The following KHNYN variants were observed in gnomAD, a reference collection of about 807,000 sequenced individuals.
KHNYN encodes protein KHNYN.
KHNYN carries 42 observed loss-of-function variants against 62.7 expected under a neutral mutation model. The ratio of observed to expected loss-of-function variants is 0.67; its 90% confidence interval spans 0.52 to 0.87. KHNYN has a LOEUF of 0.87. KHNYN is among the 40% of genes least tolerant of loss of function. The pLI, the probability that KHNYN is intolerant of heterozygous loss-of-function variation, is 0.00. For synonymous variants in KHNYN, 347 were observed against 345.6 expected, an observed-to-expected ratio of 1.00 and a Z score of -0.04; for missense variants, 829 against 874.1, an observed-to-expected ratio of 0.95 and a Z score of 0.65.
intron 2 of KHNYN, 130 bp downstream of exon 2, chr14:24,431,061 C>G (rs2043102602): frequency 1.2e-6 from 1 of 816,148 alleles, no homozygotes; most frequent in South Asian, 1.8e-5. Flanking sequence ...GGTTGTCTCA[C>G]TGGCAACCTC....
In KHNYN at chr14:24,440,507, A is replaced by G. The variant is rs1484323687; in HGVS notation, c.*3222A>G. 1.2e-5 allele frequency: 19 copies of G among 1,593,186 alleles called. No individual in the cohort carries two copies. Among genetic ancestry groups the G allele is most frequent in the Non-Finnish European group, 1.6e-5 (19 of 1,169,878 alleles). ...CAGCACAACCCCTAGAGCAGGAAAG[A>G]GGGAAGGTACAGGGGTCCTCTCAGC... On this transcript the variant is annotated 3_prime_UTR_variant, in exon 8 of 8. Coordinates refer to ENST00000553935, the MANE Select transcript of KHNYN (RefSeq NM_015299.3).
At position 24,432,154 on chromosome 14, in the gene KHNYN, A is replaced by G; in HGVS notation, c.893A>G (p.Glu298Gly). Residue 298 changes from glutamate to glycine, a missense_variant, in exon 3 of 8, where the codon GAG becomes GGG. Around this residue, in one of 2 missense-constraint regions of KHNYN, gnomAD observed 559 missense variants for 527.0 expected, o/e 1.06. Transcript: ENST00000553935. This position sits in a 1 kb window ranked among gnomAD's most constrained non-coding sequence, Gnocchi z 5.6. ...RPQSVGGGAR[E>G]SAPLKGKALG... ...CAGTCAGTGGGTGGAGGGGCAAGGG[A>G]GTCAGCACCCCTGAAAGGGAAGGCC... The G allele has an allele frequency of 6.4e-7, 1 of 1,558,216 alleles. No individual in the cohort carries two copies. The highest frequency in any genetic ancestry group is 8.7e-7 in the Non-Finnish European group (1 of 1,150,620).
Position 24,441,548 on chromosome 14 carries a change from G to T in KHNYN, c.*4263G>T. 2.7e-6 allele frequency: 2 copies of T among 752,966 alleles called. No individual in the cohort carries two copies. The highest frequency in any genetic ancestry group is 2.1e-6 in the Non-Finnish European group (1 of 484,444). 46.6% of individuals were successfully genotyped at this position (752,966 alleles called of 1,614,324 possible). On this transcript the variant is annotated 3_prime_UTR_variant, in exon 8 of 8. Transcript: ENST00000553935. ...ACAAAGGTTAGGAGAAACATGCATG[G>T]ATCAAGGGCCTAGGAAGTCATTTTG...
chr14:24,436,039 A>C (rs1443186125), intron 5 of KHNYN, 33 bp from the exon 6 acceptor site: 1 of 1,562,162 alleles, frequency 6.4e-7, no homozygotes, highest in African/African-American at 1.4e-5. Flanking sequence ...TAATTTTTCA[A>C]CCCTCTCTCG....
At chr14:24,429,812 G>A (rs2139374464), upstream of KHNYN, 1 of 1,068,872 alleles carries the variant, frequency 9.4e-7, no homozygotes, top group Middle Eastern at 4.6e-4. Flanking sequence ...AAGCGCAAGG[G>A]GCGAGCCCTG....
upstream of KHNYN, among the ~76,000 whole-genome samples, chr14:24,424,631 C>T (rs372789832): frequency 6.6e-6 from 1 of 152,194 alleles, no homozygotes. Context: ...ACTTTCTACA[C>T]TGAAGTCAGA....
At position 24,441,613 on chromosome 14, in the gene KHNYN, G is replaced by A. The variant is rs921291413; in HGVS notation, c.*4328G>A. ...GTGCTCTGGTGTGTGCATAGCTACA[G>A]AGGTCTGAGTTACCCCGTTCCCCTG... is the stretch of plus-strand genomic sequence containing the variant. On this transcript the variant is annotated 3_prime_UTR_variant, in exon 8 of 8. Transcript: ENST00000553935. The A allele has an allele frequency of 4.9e-6, 7 of 1,418,182 alleles. No individual in the cohort carries two copies. In the African/African-American group the frequency reaches 9.9e-5, roughly 20 times the overall value. 87.8% of individuals were successfully genotyped at this position (1,418,182 alleles called of 1,614,324 possible).
upstream of KHNYN, among the ~76,000 whole-genome samples, chr14:24,425,516 A>G (rs1014911810): frequency 6.6e-6 from 1 of 152,230 alleles, no homozygotes. Flanking sequence ...TGGCAAGCTA[A>G]GGATGGTAGA....
chr14:24,431,875 C>T lies in KHNYN; in HGVS notation c.614C>T (p.Ala205Val), dbSNP rs979523567. The T allele has an allele frequency of 6.2e-7, 1 of 1,614,062 alleles. No individual in the cohort carries two copies. Among genetic ancestry groups the T allele is most frequent in the Admixed American group, 1.7e-5 (1 of 60,036 alleles). ...GCGTCTAGTGGGCAGGGGCCAGGAG[C>T]ACTGGCTTCTTGGGAGGGGCGGAGC... Reference protein sequence around the residue: ...QEASSGQGPGALASWEGRSSA... With the variant: ...QEASSGQGPGVLASWEGRSSA... Residue 205 changes from alanine (A) to valine (V), a missense_variant, in exon 3 of 8, where the codon GCA (alanine) becomes GTA (valine). This residue lies in a region of KHNYN where 559 missense variants were observed against 527.0 expected (regional missense o/e 1.06). Transcript: ENST00000553935.
upstream of KHNYN, chr14:24,429,722 T>C: frequency 3.0e-6 from 3 of 985,400 alleles, no homozygotes; most frequent in Non-Finnish European, 3.6e-6. Context: ...TTTCAACGCA[T>C]GGTTCCCCTT....
rs902349240 is a variant in KHNYN, at chr14:24,435,980, G to C, written c.1578-92G>C. 9.6e-6 allele frequency: 9 copies of C among 940,984 alleles called. No homozygotes were observed. In the African/African-American group the frequency reaches 9.7e-5, roughly 10 times the overall value. 58.3% of individuals were successfully genotyped at this position (940,984 alleles called of 1,614,324 possible). ...ATATATTGCATAGTGGTGAAGTCTA[G>C]GCTTTTAATGTAACCATGATCCAAA... On this transcript the variant is annotated intron_variant, in intron 5 of 7. Transcript: ENST00000553935.
In KHNYN at chr14:24,432,767, T is replaced by C. The variant is rs755576695; in HGVS notation, c.1395T>C (p.Ala465=). Reference sequence around the variant, plus strand: ...TCTCCAGCCGGGGCATTGCCATTGCTGTGCAGTACTTCTGGGACCGTGGTC... The same window carrying C: ...TCTCCAGCCGGGGCATTGCCATTGCCGTGCAGTACTTCTGGGACCGTGGTC... ...HYFSSRGIAI[A]VQYFWDRGHR... is the part of the protein sequence containing the mutation. The change falls in exon 4 of 8, where the codon GCT becomes GCC. Residue 465 remains alanine (A), a synonymous_variant. Transcript: ENST00000553935. The surrounding 1 kb of genome is among the most constrained non-coding windows in gnomAD (Gnocchi z 5.6). 8 of 1,614,096 alleles carry C rather than the reference T, an allele frequency of 5.0e-6. No homozygotes were observed. The highest frequency in any genetic ancestry group is 1.6e-4 in the Middle Eastern group (1 of 6,084).
chr14:24,427,803 TGAG>T, upstream of KHNYN: 1 of 1,613,978 alleles, frequency 6.2e-7, no homozygotes, highest in Non-Finnish European at 8.5e-7. This position sits in a 1 kb window ranked among gnomAD's most constrained non-coding sequence, Gnocchi z 4.4. Context: ...AGAGGGAAGA[TGAG>T]GAAGCCAGAG....
intron 2 of KHNYN, 142 bp downstream of exon 2, chr14:24,431,073 G>C (rs1375537818): frequency 2.7e-6 from 2 of 730,140 alleles, no homozygotes; most frequent in Non-Finnish European, 2.2e-6. Context: ...GGCAACCTCA[G>C]TGCCCCTGAG....
chr14:24,440,519 G>C lies in KHNYN; in HGVS notation c.*3234G>C. On this transcript the variant is annotated 3_prime_UTR_variant, in exon 8 of 8. Coordinates refer to ENST00000553935, the MANE Select transcript of KHNYN (RefSeq NM_015299.3). ...TAGAGCAGGAAAGAGGGAAGGTACA[G>C]GGGTCCTCTCAGCCTTGAAGGAGCC... 1 of 1,583,474 alleles carries C rather than the reference G, an allele frequency of 6.3e-7. No individual in the cohort carries two copies. Among genetic ancestry groups the C allele is most frequent in the Non-Finnish European group, 8.6e-7 (1 of 1,164,992 alleles).
rs1366640555 is a variant in KHNYN, at chr14:24,441,747, G to T, written c.*4462G>T. ...TGATGGCTTTAGCCAGCAATTGGGT[G>T]GTCTCTAGGCGGCTGCCGATTACCT... is the stretch of plus-strand genomic sequence containing the variant. On this transcript the variant is annotated 3_prime_UTR_variant, in exon 8 of 8. Transcript: ENST00000553935. 16 of 1,601,788 alleles carry T rather than the reference G, an allele frequency of 1.0e-5. No homozygotes were observed. The highest frequency in any genetic ancestry group is 1.4e-5 in the Non-Finnish European group (16 of 1,176,386).
upstream of KHNYN, among the ~76,000 whole-genome samples, chr14:24,426,338 C>T (rs978671470): frequency 6.6e-6 from 1 of 152,072 alleles, no homozygotes; most frequent in African/African-American, 2.4e-5. Flanking sequence ...CAGCTATTCT[C>T]CAAGGAACCT....
In KHNYN at chr14:24,430,074, T is replaced by G; in HGVS notation, c.-63T>G. On this transcript the variant is annotated 5_prime_UTR_variant, in exon 1 of 8. Transcript: ENST00000553935. ...TGGGGGCGCGGGCAAAGCGGGGGCC[T>G]GGCGGGCGCTGAGAGGACCTGAAGC... is the stretch of plus-strand genomic sequence containing the variant. The G allele has an allele frequency of 2.0e-6, 2 of 985,120 alleles. No individual in the cohort carries two copies. Among genetic ancestry groups the G allele is most frequent in the Non-Finnish European group, 2.4e-6 (2 of 829,860 alleles). 61.0% of individuals were successfully genotyped at this position (985,120 alleles called of 1,614,324 possible).
chr14:24,436,494 T>A lies in KHNYN; in HGVS notation c.1787+5T>A, dbSNP rs1329854537. 6.2e-7 allele frequency: 1 copy of A among 1,608,566 alleles called. No homozygotes were observed. ...ATTTCTGAAGAAGCCAGCCAGGTAA[T>A]CAATCCCCTAGACTACTTACAGGCA... On this transcript the variant is annotated splice_donor_5th_base_variant and intron_variant, in intron 7 of 7. Transcript: ENST00000553935.
Sources: gnomAD v4.1 joint callset for allele counts (sites outside exome capture counted in the v4.1 genomes callset) on GRCh38, gnomAD v4.1.1 for gene constraint, gnomAD v4.1.1 regional missense constraint, Gnocchi (gnomAD v3.1) non-coding constraint, MANE v1.5 for transcripts, NCBI Gene and HGNC (gene_info 2026-07-23, HGNC 2026-07-21) for gene names.